The following CNTN4 variants were observed in gnomAD, a reference collection of about 807,000 sequenced individuals.
The protein encoded by CNTN4 is contactin-4.
In CNTN4, 77 loss-of-function variants were observed where a neutral mutation model predicts 122.5. The ratio of observed to expected loss-of-function variants is 0.63; its 90% CI spans 0.52 to 0.76. The LOEUF (loss-of-function observed/expected upper bound fraction) is 0.76, where lower values mean the gene tolerates loss of function less well. Among genes scored for constraint, CNTN4 ranks in the 30% least tolerant of loss-of-function variants. The pLI is 0.00. For synonymous variants in CNTN4, 512 were observed against 447.0 expected (o/e 1.15, Z -1.83); for missense variants, 1,256 against 1,259.1 (o/e 1.00, Z 0.04).
chr3:2,795,656 G>C (rs1280782719), intron 6 of CNTN4, among the ~76,000 whole-genome samples: 1 of 151,920 alleles, frequency 6.6e-6, no homozygotes, highest in African/African-American at 2.4e-5. Flanking sequence ...GAGTAGCTGG[G>C]ACCACAGGCG....
intron 13 of CNTN4, among the ~76,000 whole-genome samples, chr3:2,969,164 T>C (rs979759478): frequency 6.6e-6 from 1 of 152,204 alleles, no homozygotes; most frequent in Non-Finnish European, 1.5e-5. Flanking sequence ...TAAGGGAATA[T>C]CATCAAGACT....
chr3:2,727,786 T>A (rs1364009372), intron 4 of CNTN4, among the ~76,000 whole-genome samples: 3 of 152,170 alleles, frequency 2.0e-5, no homozygotes. Context: ...CACTTCTCAT[T>A]TGGATTTTTT....
At chr3:2,996,011 T>C (rs1695501140) in intron 14 of CNTN4, among the ~76,000 whole-genome samples, 2 of 152,172 alleles carry the variant, frequency 1.3e-5, no homozygotes, top group Admixed American at 1.3e-4. Context: ...TTTAATATAT[T>C]GTATGATTAA....
chr3:3,003,707 A>AAAAAAAAC (rs1559776088), intron 14 of CNTN4, among the ~76,000 whole-genome samples: 1 of 150,246 alleles, frequency 6.7e-6, no homozygotes, highest in Non-Finnish European at 1.5e-5. Context: ...AAAAAAAAAA[A>AAAAAAAAC]AAAAAAACAA....
At chr3:2,178,861 T>A (rs191564147) in intron 2 of CNTN4, among the ~76,000 whole-genome samples, 136 of 152,150 alleles carry the variant, frequency 8.9e-4, no homozygotes, top group Non-Finnish European at 2.8e-4. Flanking sequence ...CTCTGATTGG[T>A]AGACTAACCC....
At chr3:2,441,233 C>A (rs1172739379) in intron 3 of CNTN4, among the ~76,000 whole-genome samples, 1 of 151,992 alleles carries the variant, frequency 6.6e-6, no homozygotes, top group African/African-American at 2.4e-5. Context: ...TGGAAAAATC[C>A]GAGGGAGCTC....
At chr3:2,217,029 T>C (rs1375824508) in intron 2 of CNTN4, among the ~76,000 whole-genome samples, 1 of 152,210 alleles carries the variant, frequency 6.6e-6, no homozygotes, top group Non-Finnish European at 1.5e-5. Context: ...AGTAGATCTT[T>C]CTACTCTATC....
intron 4 of CNTN4, among the ~76,000 whole-genome samples, chr3:2,607,560 A>G (rs560634055): frequency 6.7e-6 from 1 of 148,496 alleles, no homozygotes; most frequent in African/African-American, 2.4e-5. Context: ...AATGCTCTTT[A>G]TATATATTTT....
intron 3 of CNTN4, among the ~76,000 whole-genome samples, chr3:2,370,550 G>A (rs979427810): frequency 1.3e-5 from 2 of 152,130 alleles, no homozygotes; most frequent in African/African-American, 4.8e-5. Context: ...GACAACATTG[G>A]AATGACAGCT....
intron 2 of CNTN4, among the ~76,000 whole-genome samples, chr3:2,187,860 G>C (rs1397333672): frequency 6.6e-6 from 1 of 152,106 alleles, no homozygotes; most frequent in African/African-American, 2.4e-5. Flanking sequence ...TTTCTGAGTA[G>C]GGAAAGGTGG....
intron 13 of CNTN4, among the ~76,000 whole-genome samples, chr3:2,979,152 TG>T (rs1693713465): frequency 6.6e-6 from 1 of 152,142 alleles, no homozygotes; most frequent in Non-Finnish European, 1.5e-5. Context: ...ACTTACCAGG[TG>T]GGAAGGAGTT....
intron 6 of CNTN4, among the ~76,000 whole-genome samples, chr3:2,747,814 C>T (rs1305194006): frequency 6.6e-6 from 1 of 152,208 alleles, no homozygotes; most frequent in Non-Finnish European, 1.5e-5. Flanking sequence ...ACCAATTCAT[C>T]ACGAGGCACC....
At chr3:2,830,752 C>T (rs868204288) in intron 7 of CNTN4, among the ~76,000 whole-genome samples, 11 of 152,180 alleles carry the variant, frequency 7.2e-5, no homozygotes, top group Admixed American at 2.6e-4. Flanking sequence ...GAAATATACC[C>T]TGTGAATCTC....
At chr3:2,962,682 G>A (rs1019014445) in intron 13 of CNTN4, among the ~76,000 whole-genome samples, 7 of 152,190 alleles carry the variant, frequency 4.6e-5, no homozygotes, top group Non-Finnish European at 7.3e-5. Context: ...AGCTTTGGTT[G>A]TAAGACACAG....
At chr3:2,258,311 C>T (rs183512312) in intron 2 of CNTN4, among the ~76,000 whole-genome samples, 1 of 152,286 alleles carries the variant, frequency 6.6e-6, no homozygotes, top group African/African-American at 2.4e-5. Flanking sequence ...TATTGCAGCA[C>T]TGTTTGCAAT....
chr3:2,929,452 C>T (rs1453618775), intron 13 of CNTN4, among the ~76,000 whole-genome samples: 1 of 152,184 alleles, frequency 6.6e-6, no homozygotes, highest in African/African-American at 2.4e-5. Context: ...AGCTATACAA[C>T]AATTGTATCA....
chr3:2,943,802 A>G (rs1384938677), intron 13 of CNTN4, among the ~76,000 whole-genome samples: 2 of 150,840 alleles, frequency 1.3e-5, no homozygotes, highest in African/African-American at 2.4e-5. Flanking sequence ...TTTTGTATTT[A>G]TAGTAGAGAT....
chr3:2,120,047 G>A (rs998744349), intron 2 of CNTN4, among the ~76,000 whole-genome samples: 1 of 151,942 alleles, frequency 6.6e-6, no homozygotes, highest in Admixed American at 6.6e-5. Flanking sequence ...AGGGAAGAAA[G>A]TTCCAGGCAA....
chr3:2,556,303 C>T (rs950556583), intron 3 of CNTN4, among the ~76,000 whole-genome samples: 11 of 152,144 alleles, frequency 7.2e-5, no homozygotes, highest in Non-Finnish European at 7.3e-5. Context: ...TTTAAGACAG[C>T]AGAACTGGTC....
Sources: gnomAD v4.1 joint callset for allele counts (sites outside exome capture counted in the v4.1 genomes callset) on GRCh38, gnomAD v4.1.1 for gene constraint, MANE v1.5 for transcripts, NCBI Gene and HGNC (gene_info 2026-07-23, HGNC 2026-07-21) for gene names.